ASPSCR1: variants seen among roughly 807,000 people sequenced by gnomAD.
ASPSCR1 encodes the protein ASPSCR1 tether for SLC2A4, UBX domain containing.
ASPSCR1 carries 55 observed loss-of-function variants against 68.9 expected under a neutral mutation model. That is an observed-to-expected ratio of 0.80 (90% CI 0.64 to 1.00). The LOEUF (loss-of-function observed/expected upper bound fraction) is 1.00. ASPSCR1 is among the 50% of genes least tolerant of loss of function. The pLI, the probability that ASPSCR1 is intolerant of heterozygous loss-of-function variation, is 0.00. For synonymous variants in ASPSCR1, 352 were observed against 332.6 expected, an observed-to-expected ratio of 1.06 and a Z score of -0.63; for missense variants, 765 against 762.2, an observed-to-expected ratio of 1.00 and a Z score of -0.04.
intron 6 of ASPSCR1, 40 bp downstream of exon 6, chr17:81,996,105 T>C: frequency 8.2e-7 from 1 of 1,222,876 alleles, no homozygotes; most frequent in South Asian, 1.6e-5. Flanking sequence ...TCTATTTAGC[T>C]AAAAAAAAAA....
intron 4 of ASPSCR1, among the ~76,000 whole-genome samples, chr17:81,992,425 T>G (rs1007674562): frequency 2.6e-5 from 4 of 152,194 alleles, no homozygotes; most frequent in African/African-American, 9.7e-5. Flanking sequence ...GGCTGGCGTT[T>G]GATGTCACGC....
At chr17:82,006,694 GC>G (rs2042733122) in intron 7 of ASPSCR1, 1 of 152,292 alleles carries the variant, frequency 6.6e-6, no homozygotes, top group Non-Finnish European at 1.5e-5. Flanking sequence ...TCCCCCAGGG[GC>G]CAGGCCTTGA....
intron 4 of ASPSCR1, 36 bp from the exon 5 acceptor site, chr17:81,994,785 C>T: frequency 6.2e-7 from 1 of 1,607,938 alleles, no homozygotes; most frequent in Non-Finnish European, 8.5e-7. Context: ...TTGAGCTGCC[C>T]TGGGGTACCT....
chr17:81,984,152 C>T (rs965070090), intron 3 of ASPSCR1, among the ~76,000 whole-genome samples: 2 of 152,124 alleles, frequency 1.3e-5, no homozygotes, highest in African/African-American at 4.8e-5. Flanking sequence ...CTCTGCGCCC[C>T]GCCCACGTCA....
chr17:81,992,672 C>T (rs1032715908), intron 4 of ASPSCR1, among the ~76,000 whole-genome samples: 2 of 152,246 alleles, frequency 1.3e-5, no homozygotes, highest in African/African-American at 4.8e-5. Context: ...TGAGGCCTCT[C>T]TCTGCCTCTG....
Position 81,994,811 on chromosome 17 carries a change from C to T in ASPSCR1, c.375-10C>T, listed in dbSNP as rs772863497. The T allele has an allele frequency of 6.2e-7, 1 of 1,613,080 alleles. No homozygotes were observed. Among genetic ancestry groups the T allele is most frequent in the Non-Finnish European group, 8.5e-7 (1 of 1,179,796 alleles). ...TGGGGTACCTGATGGTTTCTTTCCT[C>T]TCCTCCCAGGGAGTGCCTGCAGCAC... On this transcript the variant is annotated splice_polypyrimidine_tract_variant and intron_variant, in intron 4 of 15. Transcript: ENST00000306739.
chr17:81,991,977 G>A (rs189692845), intron 4 of ASPSCR1, among the ~76,000 whole-genome samples: 3 of 152,380 alleles, frequency 2.0e-5, no homozygotes, highest in East Asian at 1.9e-4. Flanking sequence ...ATATGCCCTC[G>A]AAGCCAGCAG....
intron 9 of ASPSCR1, chr17:82,010,087 GT>G (rs372050513): frequency 0.026 from 6,766 of 264,114 alleles, no homozygotes; most frequent in South Asian, 0.048. Context: ...AATTTTTGTT[GT>G]TTTTTTTTTT....
rs781378946 is a variant in ASPSCR1, at chr17:82,009,470, C to G, written c.1089-16C>G. 70 of 1,564,896 alleles carry G rather than the reference C, an allele frequency of 4.5e-5. No homozygotes were observed. The highest frequency in any genetic ancestry group is 1.1e-4 in the Admixed American group (6 of 53,642). ...ATTCTGACCAGAAGCCCTGTTCCTT[C>G]CCCTCCTCACCACAGGAAGCGCCTG... On this transcript the variant is annotated splice_polypyrimidine_tract_variant and intron_variant, in intron 8 of 15. Transcript: ENST00000306739.
chr17:82,016,071 G>C (rs115726428), intron 12 of ASPSCR1: 5,191 of 198,764 alleles, frequency 0.026, 293 homozygotes, highest in African/African-American at 0.11. Context: ...GGGGAATCTG[G>C]AGCTGGGAGG....
intron 4 of ASPSCR1, among the ~76,000 whole-genome samples, chr17:81,992,568 C>T (rs929311264): frequency 6.6e-6 from 1 of 152,194 alleles, no homozygotes; most frequent in African/African-American, 2.4e-5. Flanking sequence ...GCCTCATGAC[C>T]ATCTCCGGAC....
intron 10 of ASPSCR1, 129 bp from the exon 11 acceptor site, chr17:82,011,414 A>G: frequency 1.1e-6 from 1 of 875,658 alleles, no homozygotes; most frequent in Non-Finnish European, 1.7e-6. Flanking sequence ...GTGCTGTGGG[A>G]GGAACAGGGC....
At chr17:82,008,849 G>A in intron 7 of ASPSCR1, 188 bp from the exon 8 acceptor site, 1 of 721,596 alleles carries the variant, frequency 1.4e-6, no homozygotes, top group Non-Finnish European at 2.1e-6. Context: ...GAGTGGGGTG[G>A]GGTCCCCCAG....
intron 7 of ASPSCR1, among the ~76,000 whole-genome samples, chr17:81,998,056 A>AGG (rs1437152564): frequency 1.5e-5 from 2 of 134,150 alleles, no homozygotes; most frequent in Non-Finnish European, 3.2e-5. Context: ...CGAACTCCTG[A>AGG]CCTCAGGTGA....
rs900041315 is a variant in ASPSCR1, at chr17:81,983,715, T to C, written c.273+47T>C. The C allele has an allele frequency of 8.0e-6, 12 of 1,502,688 alleles. No homozygotes were observed. Among genetic ancestry groups the C allele is most frequent in the Non-Finnish European group, 1.1e-5 (12 of 1,094,984 alleles). 93.1% of individuals were successfully genotyped at this position (1,502,688 alleles called of 1,614,324 possible). A position where few individuals can be genotyped will look rare whatever the true frequency, so the allele number is the denominator to read the frequency against. On this transcript the variant is annotated intron_variant, in intron 3 of 15. Transcript: ENST00000306739. This position sits in a 1 kb window ranked among gnomAD's most constrained non-coding sequence, Gnocchi z 4.4. ...GCTGACTGTGTGGGGCACAGGATCG[T>C]TCAGCTGGCCAGGGACGGGGGACGG...
chr17:82,016,340 A>G, intron 12 of ASPSCR1, 136 bp from the exon 13 acceptor site: 9 of 761,258 alleles, frequency 1.2e-5, no homozygotes, highest in Admixed American at 2.9e-5. Flanking sequence ...AAGCTGGGCG[A>G]TGGGCTCATG....
rs1166022094 is a variant in ASPSCR1, at chr17:82,009,507, C to T, written c.1110C>T (p.Pro370=). ...KSERKRLEEA[P]LVTKAFREAQ... ...ACAGGAAGCGCCTGGAAGAAGCCCC[C>T]TTGGTGACCAAGGCCTTCAGGGAGG... is the stretch of plus-strand genomic sequence containing the variant. Residue 370 remains proline (P), a synonymous_variant, in exon 9 of 16, where the codon CCC becomes CCT. Coordinates refer to ENST00000306739, the MANE Select transcript of ASPSCR1 (RefSeq NM_024083.4). 4.4e-6 allele frequency: 7 copies of T among 1,584,432 alleles called. No individual in the cohort carries two copies. The highest frequency in any genetic ancestry group is 6.0e-6 in the Non-Finnish European group (7 of 1,165,516).
intron 2 of ASPSCR1, among the ~76,000 whole-genome samples, chr17:81,981,337 C>T (rs1752988007): frequency 6.6e-6 from 1 of 151,744 alleles, no homozygotes; most frequent in African/African-American, 2.4e-5. Context: ...GAGGCTGGTT[C>T]AGTTGGTTGG....
At chr17:82,006,693 G>A (rs2042732974) in intron 7 of ASPSCR1, 1 of 152,268 alleles carries the variant, frequency 6.6e-6, no homozygotes. Context: ...TTCCCCCAGG[G>A]GCCAGGCCTT....
Sources: gnomAD v4.1 joint callset for allele counts (sites outside exome capture counted in the v4.1 genomes callset) on GRCh38, gnomAD v4.1.1 for gene constraint, Gnocchi (gnomAD v3.1) non-coding constraint, MANE v1.5 for transcripts, NCBI Gene and HGNC (gene_info 2026-07-23, HGNC 2026-07-21) for gene names.